Variants in HP observed in about 807,000 individuals in gnomAD.
The protein encoded by HP is haptoglobin.
HP carries 9 observed loss-of-function variants against 23.2 expected under a neutral mutation model. The ratio of observed to expected loss-of-function variants is 0.39; its 90% CI spans 0.23 to 0.68. The LOEUF is 0.68. Ranked by LOEUF, HP falls within the 30% of genes least tolerant of loss-of-function variation. The pLI is 0.47. For missense variants in HP, 433 were observed against 483.6 expected (o/e 0.90, Z 0.98); for synonymous variants, 155 against 183.3 (o/e 0.85, Z 1.25).
intron 5 of HP, 26 bp from the exon 6 acceptor site, chr16:72,059,087 TG>T: frequency 6.4e-7 from 1 of 1,557,474 alleles, no homozygotes; most frequent in Non-Finnish European, 8.8e-7. Flanking sequence ...ACTTCTCCTT[TG>T]GCTCACTTCT....
At chr16:72,058,786 C>A (rs2041493453) in intron 5 of HP, 1 of 361,694 alleles carries the variant, frequency 2.8e-6, no homozygotes, top group Non-Finnish European at 5.1e-6. Context: ...GATAAGGAAA[C>A]TGAGGCACAG....
intron 6 of HP, 62 bp from the exon 7 acceptor site, chr16:72,060,050 C>A: frequency 6.3e-7 from 1 of 1,596,458 alleles, no homozygotes; most frequent in South Asian, 1.1e-5. Flanking sequence ...GCTTTCACCC[C>A]TTTCTCAGAT....
rs1324394680 is a variant in HP, at chr16:72,054,509, G to A, written c.-144G>A. 2 of 1,536,264 alleles carry A rather than the reference G, an allele frequency of 1.3e-6. No individual in the cohort carries two copies. Among genetic ancestry groups the A allele is most frequent in the Admixed American group, 3.9e-5 (2 of 51,418 alleles). On this transcript the variant is annotated 5_prime_UTR_variant, in exon 1 of 7. Transcript: ENST00000355906. ...GGTATTGTTTGTGGTTTTGTTACTG[G>A]AAAAGATAGTGACCTTACCAGGGCC... is the stretch of plus-strand genomic sequence containing the variant.
At chr16:72,054,820 C>T (rs1597407206) in intron 1 of HP, 163 bp downstream of exon 1, 3 of 748,328 alleles carry the variant, frequency 4.0e-6, no homozygotes, top group East Asian at 2.7e-5. Context: ...TTTTCTGCAT[C>T]CATAGAAGAC....
At chr16:72,055,859 C>G (rs1211352247) in intron 1 of HP, 3 of 415,234 alleles carry the variant, frequency 7.2e-6, no homozygotes, top group Admixed American at 3.2e-5. Flanking sequence ...ACTGAGCCCA[C>G]CCCTCCACCT....
rs140113015 is a variant in HP at position 72,056,216 on chromosome 16, T to C, written c.61T>C (p.Ser21Pro). 4 of 1,614,054 alleles carry C rather than the reference T, an allele frequency of 2.5e-6. No individual in the cohort carries two copies. Among genetic ancestry groups the C allele is most frequent in the East Asian group, 4.5e-5 (2 of 44,830 alleles). The change falls in exon 2 of 7, where the codon TCA becomes CCA. Residue 21 changes from serine (S) to proline (P), a missense_variant. By Grantham distance (74) the Ser-to-Pro change is moderately conservative (BLOSUM62 -1). Transcript: ENST00000355906. ...LLWGQLFAVD[S>P]GNDVTDIADD... ...CTGGGGACAGCTTTTTGCAGTGGAC[T>C]CAGGCAATGATGTCACGGATATCGC...
intron 1 of HP, chr16:72,055,571 AG>A (rs1325632855): frequency 1.2e-5 from 2 of 168,146 alleles, no homozygotes; most frequent in African/African-American, 4.8e-5. Flanking sequence ...GTTCTCTTCC[AG>A]GTAACCTTCT....
rs777170251 is a variant in HP, at chr16:72,060,174, G to T, written c.505G>T (p.Ala169Ser). The change falls in exon 7 of 7, where the codon GCC becomes TCC. Residue 169 changes from alanine (A) to serine (S), a missense_variant. By Grantham distance (99) the Ala-to-Ser change is moderately conservative. Around this residue, in one of 3 missense-constraint regions of HP, gnomAD observed 326 missense variants for 358.1 expected, o/e 0.91. Coordinates refer to ENST00000355906, the MANE Select transcript of HP (RefSeq NM_005143.5). ...GCGGATCCTGGGTGGACACCTGGAT[G>T]CCAAAGGCAGCTTTCCCTGGCAGGC... is the stretch of plus-strand genomic sequence containing the variant. ...VQRILGGHLD[A>S]KGSFPWQAKM... 2 of 1,613,840 alleles carry T rather than the reference G, an allele frequency of 1.2e-6. No individual in the cohort carries two copies. The highest frequency in any genetic ancestry group is 1.7e-5 in the Admixed American group (1 of 59,990).
rs1597411411 is a variant in HP at position 72,059,885 on chromosome 16, T to C, written c.443-227T>C. On this transcript the variant is annotated intron_variant, in intron 6 of 6. Transcript: ENST00000355906. ...AAAAATCTCAGTATTTCCCACTTCC[T>C]TTGTTAGAAAAGTGGGAAATAGAGC... 6.7e-6 allele frequency: 7 copies of C among 1,052,500 alleles called. 1 individual carries two copies. The East Asian group carries it at 1.9e-4, about 28-fold the overall frequency. 65.2% of individuals were successfully genotyped at this position (1,052,500 alleles called of 1,614,324 possible).
Position 72,060,343 on chromosome 16 carries a change from TG to T in HP, c.678del (p.Lys228SerfsTer4), listed in dbSNP as rs2041523126. 6.2e-7 allele frequency: 1 copy of T among 1,613,980 alleles called. No homozygotes were observed. Among genetic ancestry groups the T allele is most frequent in the South Asian group, 1.1e-5 (1 of 91,084 alleles). On this transcript the variant is annotated frameshift_variant, in exon 7 of 7. Coordinates refer to ENST00000355906, the MANE Select transcript of HP (RefSeq NM_005143.5). LOFTEE classifies it high-confidence loss of function. ...ATTGCCCCTACTTTAACACTCTATG[TG>T]GGGAAAAAGCAGCTTGTAGAGATTG... Reference protein sequence around the residue: ...KDIAPTLTLYVGKKQLVEIEK... With the variant: ...KDIAPTLTLYXGKKQLVEIEK...
chr16:72,059,897 G>T (rs1567584769), intron 6 of HP: 5 of 1,155,716 alleles, frequency 4.3e-6, no homozygotes, highest in Non-Finnish European at 6.0e-6. Flanking sequence ...TGTTAGAAAA[G>T]TGGGAAATAG....
rs367969618 is a variant in HP at position 72,056,232 on chromosome 16, C to G, written c.77C>G (p.Thr26Arg). 6.8e-6 allele frequency: 11 copies of G among 1,613,878 alleles called. No homozygotes were observed. The South Asian group carries it at 9.9e-5, about 14-fold the overall frequency. ...LFAVDSGNDV[T>R]DIADDGCPKP... ...GCAGTGGACTCAGGCAATGATGTCACGGATATCGCAGGTCAGTCTTTGGTT... is the reference window on the plus strand; with the variant it reads ...GCAGTGGACTCAGGCAATGATGTCAGGGATATCGCAGGTCAGTCTTTGGTT... The change falls in exon 2 of 7, where the codon ACG becomes AGG. Residue 26 changes from threonine (T) to arginine (R), a missense_variant. This residue lies in a region of HP where 71 missense variants were observed against 54.2 expected (regional missense o/e 1.31). Coordinates refer to ENST00000355906, the MANE Select transcript of HP (RefSeq NM_005143.5).
At chr16:72,059,644 C>A (rs2041508992) in intron 6 of HP, 1 of 271,324 alleles carries the variant, frequency 3.7e-6, no homozygotes, top group Admixed American at 5.0e-5. Context: ...GGCCCAGCCT[C>A]TTCTGCTCTT....
chr16:72,054,514 GAT>G lies in HP; in HGVS notation c.-137_-136del, dbSNP rs1395303004. On this transcript the variant is annotated 5_prime_UTR_variant, in exon 1 of 7. Coordinates refer to ENST00000355906, the MANE Select transcript of HP (RefSeq NM_005143.5). ...TGTTTGTGGTTTTGTTACTGGAAAAGATAGTGACCTTACCAGGGCCAAAGTTT... is the reference window on the plus strand; with the variant it reads ...TGTTTGTGGTTTTGTTACTGGAAAAGAGTGACCTTACCAGGGCCAAAGTTT... The G allele has an allele frequency of 1.3e-6, 2 of 1,546,514 alleles. No individual in the cohort carries two copies. Among genetic ancestry groups the G allele is most frequent in the Non-Finnish European group, 1.8e-6 (2 of 1,139,390 alleles).
rs557832885 is a variant in HP, at chr16:72,055,839, G to A, written c.6-322G>A. 1.4e-4 allele frequency: 55 copies of A among 386,460 alleles called. 2 individuals are homozygous for A. Among genetic ancestry groups the A allele is most frequent in the East Asian group, 8.9e-4 (14 of 15,662 alleles). 23.9% of individuals were successfully genotyped at this position (386,460 alleles called of 1,614,324 possible). A position where few individuals can be genotyped will look rare whatever the true frequency, so the allele number is the denominator to read the frequency against. On this transcript the variant is annotated intron_variant, in intron 1 of 6. Coordinates refer to ENST00000355906, the MANE Select transcript of HP (RefSeq NM_005143.5). The stretch of plus-strand genomic sequence containing the variant: ...TTATTGCCAATGTACTTTCCTGAAT[G>A]CAGCCAGAAACTGAGCCCACCCCTC...
Position 72,061,037 on chromosome 16 carries a change from A to C in HP, c.*147A>C. ...CCTGCATTGCTGAGTCAATCAATAA[A>C]GAGCTTTCTTTTGACCCATTTCTGT... On this transcript the variant is annotated 3_prime_UTR_variant, in exon 7 of 7. Coordinates refer to ENST00000355906, the MANE Select transcript of HP (RefSeq NM_005143.5). 1 of 879,684 alleles carries C rather than the reference A, an allele frequency of 1.1e-6. No individual in the cohort carries two copies. The highest frequency in any genetic ancestry group is 1.7e-6 in the Non-Finnish European group (1 of 597,462). The allele number at this position is 879,684 out of a possible 1,614,324, so 54.5% of individuals were successfully genotyped here.
chr16:72,057,298 C>A lies in HP; in HGVS notation c.191-94C>A, dbSNP rs1158919255. 2.0e-5 allele frequency: 14 copies of A among 713,382 alleles called. 3 individuals carry two copies. Among genetic ancestry groups the A allele is most frequent in the Non-Finnish European group, 3.4e-5 (14 of 413,380 alleles). The allele number at this position is 713,382 out of a possible 1,614,324, so 44.2% of individuals were successfully genotyped here. On this transcript the variant is annotated intron_variant, in intron 3 of 6. Coordinates refer to ENST00000355906, the MANE Select transcript of HP (RefSeq NM_005143.5). Reference sequence around the variant, plus strand: ...CTTCCTGTCTGCCTCCTTTCTTCTTCTTCTTTTTAATTCTTCTCCTTAAAT... The same window carrying A: ...CTTCCTGTCTGCCTCCTTTCTTCTTATTCTTTTTAATTCTTCTCCTTAAAT...
Position 72,060,665 on chromosome 16 carries a change from C to T in HP, c.996C>T (p.Pro332=), listed in dbSNP as rs763395220. 9 of 1,614,056 alleles carry T rather than the reference C, an allele frequency of 5.6e-6. 1 individual carries two copies. The East Asian group carries it at 1.8e-4, about 32-fold the overall frequency. ...KTPKSPVGVQ[P]ILNEHTFCAG... ...CGAAGAGCCCTGTAGGGGTGCAGCC[C>T]ATACTGAATGAACACACCTTCTGTG... is the stretch of plus-strand genomic sequence containing the variant. Residue 332 remains proline (P), a synonymous_variant, in exon 7 of 7, where the codon CCC becomes CCT. Coordinates refer to ENST00000355906, the MANE Select transcript of HP (RefSeq NM_005143.5).
rs543075405 is a variant in HP, at chr16:72,057,698, C to T, written c.265+232C>T. On this transcript the variant is annotated intron_variant, in intron 4 of 6. Transcript: ENST00000355906. ...GAAGGGCACTGGCTGAATCCACTGT[C>T]GGCACTGCCCACAGATCAGGAGAGC... The T allele has an allele frequency of 1.2e-4, 61 of 516,984 alleles. 4 individuals are homozygous for T. Among genetic ancestry groups the T allele is most frequent in the South Asian group, 1.1e-3 (58 of 50,862 alleles). 32.0% of individuals were successfully genotyped at this position (516,984 alleles called of 1,614,324 possible). A position where few individuals can be genotyped will look rare whatever the true frequency, so the allele number is the denominator to read the frequency against.
Sources: allele counts gnomAD v4.1 joint callset, GRCh38; gene constraint gnomAD v4.1.1; regional missense constraint gnomAD v4.1.1; transcripts MANE v1.5; gene names NCBI Gene and HGNC (gene_info 2026-07-23, HGNC 2026-07-21).